The following CFAP47 variants were observed in gnomAD, a reference collection of about 807,000 sequenced individuals.
CFAP47 encodes cilia and flagella associated protein 47, also known as cilia- and flagella-associated protein 47.
Under a neutral mutation model 148.1 loss-of-function variants are expected in CFAP47, and 29 were observed. That is an observed-to-expected ratio of 0.20 (90% CI 0.15 to 0.27). The LOEUF (loss-of-function observed/expected upper bound fraction) is 0.27. Among genes scored for constraint, CFAP47 ranks in the 10% least tolerant of loss-of-function variants. CFAP47 has a pLI of 1.00. For missense variants in CFAP47, 1,872 were observed against 1,697.5 expected, an observed-to-expected ratio of 1.10 and a Z score of -1.81; for synonymous variants, 664 against 577.3, an observed-to-expected ratio of 1.15 and a Z score of -2.15.
At chrX:35,952,362 C>T (rs964786492) in intron 6 of CFAP47, among the ~76,000 whole-genome samples, 6 of 111,813 alleles carry the variant, frequency 5.4e-5, no homozygotes, top group African/African-American at 1.9e-4. Context: ...TTATTGCTGA[C>T]TATCCTAAGT....
At chrX:36,101,730 T>C (rs1938379861) in intron 32 of CFAP47, among the ~76,000 whole-genome samples, 1 of 111,811 alleles carries the variant, frequency 8.9e-6, no homozygotes, top group Non-Finnish European at 1.9e-5. Flanking sequence ...ATTGATTCTT[T>C]TCTTTGGGTC....
chrX:36,285,500 C>T lies in CFAP47; in HGVS notation c.7589-129C>T, dbSNP rs909289000. 3 of 398,214 alleles carry T rather than the reference C, an allele frequency of 7.5e-6. No homozygotes were observed. The South Asian group carries it at 1.2e-4, about 16-fold the overall frequency. 32.8% of individuals were successfully genotyped at this position (398,214 alleles called of 1,213,427 possible). A position where few individuals can be genotyped will look rare whatever the true frequency, so the allele number is the denominator to read the frequency against. On this transcript the variant is annotated intron_variant, in intron 50 of 63. Coordinates refer to ENST00000378653, the MANE Select transcript of CFAP47 (RefSeq NM_001304548.2). ...TAAAAACAGCTTCTCACCCTTTCTT[C>T]AGCTGTCTTGACAAAAAGTCCATTA...
At chrX:36,093,705 GAAAC>G (rs35140361) in intron 30 of CFAP47, among the ~76,000 whole-genome samples, 2,261 of 111,006 alleles carry the variant, frequency 0.02, 67 homozygotes, top group African/African-American at 0.071. Flanking sequence ...ATTTTAAAAA[GAAAC>G]AAATATTATG....
At chrX:36,379,826 C>T (rs1378080318) in intron 63 of CFAP47, 1 of 161,329 alleles carries the variant, frequency 6.2e-6, no homozygotes, top group Non-Finnish European at 1.2e-5. Flanking sequence ...AGTTATGTAT[C>T]ACTTTCTGTA....
chrX:36,280,749 T>C (rs1312038415), intron 50 of CFAP47, 119 bp downstream of exon 50: 2 of 329,203 alleles, frequency 6.1e-6, no homozygotes, highest in African/African-American at 5.4e-5. Flanking sequence ...ATTGCATGTT[T>C]CCATAAGAAT....
At chrX:36,062,322 G>C (rs1250028334) in intron 26 of CFAP47, among the ~76,000 whole-genome samples, 1 of 111,095 alleles carries the variant, frequency 9.0e-6, no homozygotes, top group Non-Finnish European at 1.9e-5. Flanking sequence ...ATAAATACAA[G>C]GCAAAATATT....
At chrX:35,979,947 A>G (rs956931859) in intron 15 of CFAP47, among the ~76,000 whole-genome samples, 3 of 112,165 alleles carry the variant, frequency 2.7e-5, no homozygotes, top group Non-Finnish European at 5.6e-5. Flanking sequence ...GTCAGAACCT[A>G]TAGCTGGAAT....
intron 4 of CFAP47, 70 bp from the exon 5 acceptor site, chrX:35,951,060 TG>T: frequency 1.4e-6 from 1 of 734,866 alleles, no homozygotes. Flanking sequence ...TCGAAATGTG[TG>T]GGAGAAAAAC....
At chrX:35,925,886 A>AC (rs1831749391) in intron 1 of CFAP47, 131 bp from the exon 2 acceptor site, 1 of 456,657 alleles carries the variant, frequency 2.2e-6, no homozygotes, top group African/African-American at 2.5e-5. Flanking sequence ...CGATCTCCTG[A>AC]CCTCATGATT....
At chrX:36,248,305 A>G (rs1940645526) in intron 48 of CFAP47, among the ~76,000 whole-genome samples, 1 of 104,838 alleles carries the variant, frequency 9.5e-6, no homozygotes, top group East Asian at 2.9e-4. Context: ...ATGTAGTATT[A>G]ACATAAAATA....
chrX:36,057,708 T>G (rs1006374165), intron 26 of CFAP47, among the ~76,000 whole-genome samples: 3 of 111,607 alleles, frequency 2.7e-5, no homozygotes, highest in African/African-American at 9.8e-5. Flanking sequence ...CCTCCCATAC[T>G]CACCCTCTGT....
chrX:36,120,081 C>T (rs1938713751), intron 33 of CFAP47, among the ~76,000 whole-genome samples: 1 of 109,022 alleles, frequency 9.2e-6, no homozygotes, highest in Admixed American at 9.8e-5. Context: ...CTGCAAGCTC[C>T]GCCTCCCAGG....
intron 41 of CFAP47, among the ~76,000 whole-genome samples, chrX:36,189,188 A>G (rs1469781882): frequency 1.8e-5 from 2 of 111,429 alleles, no homozygotes; most frequent in Non-Finnish European, 3.8e-5. Context: ...AACAACACAA[A>G]TTAATAATAA....
At chrX:35,967,478 A>T in intron 9 of CFAP47, 141 bp from the exon 10 acceptor site, 2 of 351,905 alleles carry the variant, frequency 5.7e-6, no homozygotes, top group Non-Finnish European at 9.6e-6. Context: ...TTTATTAATG[A>T]TTTGTATTTT....
rs1214690902 is a variant in CFAP47 at position 36,251,373 on chromosome X, T to C, written c.7373T>C (p.Ile2458Thr). The C allele has an allele frequency of 1.6e-5, 8 of 506,014 alleles. No homozygotes were observed. Among genetic ancestry groups the C allele is most frequent in the Non-Finnish European group, 2.5e-5 (7 of 282,837 alleles). 41.7% of individuals were successfully genotyped at this position (506,014 alleles called of 1,213,427 possible). A position where few individuals can be genotyped will look rare whatever the true frequency, so the allele number is the denominator to read the frequency against. Residue 2458 changes from isoleucine to threonine, a missense_variant, in exon 49 of 64, where the codon ATT becomes ACT. Ile to Thr is a moderately conservative substitution (Grantham distance 89, BLOSUM62 -1). Transcript: ENST00000378653. ...DLPIVWGNPQ[I>T]TVYPYKEILY... ...CCAATAGTGTGGGGAAATCCACAAATTACAGTATACCCTTATAAAGAAATT... is the reference window on the plus strand; with the variant it reads ...CCAATAGTGTGGGGAAATCCACAAACTACAGTATACCCTTATAAAGAAATT...
intron 35 of CFAP47, among the ~76,000 whole-genome samples, chrX:36,139,048 A>T (rs771385458): frequency 9.0e-6 from 1 of 111,691 alleles, no homozygotes; most frequent in Admixed American, 9.6e-5. Flanking sequence ...ATGATTCCTG[A>T]CTTTGAATAT....
At chrX:36,260,796 G>A (rs1940807684) in intron 49 of CFAP47, among the ~76,000 whole-genome samples, 1 of 111,867 alleles carries the variant, frequency 8.9e-6, no homozygotes, top group Admixed American at 9.5e-5. Context: ...GTCCAGAATG[G>A]TATGTCTTAG....
chrX:36,119,677 C>T (rs998754529), intron 33 of CFAP47, among the ~76,000 whole-genome samples: 1 of 111,361 alleles, frequency 9.0e-6, no homozygotes, highest in Non-Finnish European at 1.9e-5. Flanking sequence ...ACAGTGAATC[C>T]ATCAGGTTCT....
At chrX:35,924,355 GTA>G (rs767766179) in intron 1 of CFAP47, among the ~76,000 whole-genome samples, 4 of 100,750 alleles carry the variant, frequency 4.0e-5, no homozygotes, top group Admixed American at 1.0e-4. Context: ...GTGCATATGT[GTA>G]TATATGTATA....
Sources: gnomAD v4.1 joint callset for allele counts (sites outside exome capture counted in the v4.1 genomes callset) on GRCh38, gnomAD v4.1.1 for gene constraint, MANE v1.5 for transcripts, NCBI Gene and HGNC (gene_info 2026-07-23, HGNC 2026-07-21) for gene names.